Variants in GMIP observed in about 807,000 individuals in gnomAD.
GMIP encodes the protein GEM-interacting protein.
In GMIP, 54 loss-of-function variants were observed where a neutral mutation model predicts 105.3. That is an observed-to-expected ratio of 0.51 (90% CI 0.41 to 0.64). The LOEUF (loss-of-function observed/expected upper bound fraction) is 0.64. Ranked by LOEUF, GMIP falls within the 30% of genes least tolerant of loss-of-function variation. The pLI is 0.00. For synonymous variants in GMIP, 541 were observed against 560.8 expected, an observed-to-expected ratio of 0.96 and a Z score of 0.50; for missense variants, 1,110 against 1,319.4, an observed-to-expected ratio of 0.84 and a Z score of 2.46.
In GMIP at chr19:19,638,159, C is replaced by A; in HGVS notation, c.789G>T (p.Lys263Asn). ...RRRSREEAQA[K>N]AQEAEALYQA... ...CAGGGGCTCGGGGCCGGGTGCCCAC[C>A]TTGGCCTGGGCCTCCTCTCGCGAGC... is the stretch of plus-strand genomic sequence containing the variant. The change falls in exon 9 of 21, where the codon AAG becomes AAT. Residue 263 changes from lysine (K) to asparagine (N), a missense_variant and splice_region_variant. Lys to Asn is a moderately conservative substitution (Grantham distance 94). Around this residue, in one of 3 missense-constraint regions of GMIP, gnomAD observed 667 missense variants for 773.2 expected, o/e 0.86. Coordinates refer to ENST00000203556, the MANE Select transcript of GMIP (RefSeq NM_016573.4). The A allele has an allele frequency of 6.3e-7, 1 of 1,581,686 alleles. No homozygotes were observed. The highest frequency in any genetic ancestry group is 8.5e-7 in the Non-Finnish European group (1 of 1,172,472).
rs1008661593 is a variant in GMIP at position 19,635,885 on chromosome 19, G to A, written c.1328-164C>T. Among the ~76,000 whole-genome samples, 2 of 152,156 alleles carry A rather than the reference G, an allele frequency of 1.3e-5. No homozygotes were observed. The highest frequency in any genetic ancestry group is 6.5e-5 in the Admixed American group (1 of 15,274). On this transcript the variant is annotated intron_variant, in intron 13 of 20. Transcript: ENST00000203556. This position sits in a 1 kb window ranked among gnomAD's most constrained non-coding sequence, Gnocchi z 4.7. ...AGAATTGGGTCAGCAACCTGAGGGGGGTGGTTCATAAGCTGGATCAAGAGG... is the reference window on the plus strand; with the variant it reads ...AGAATTGGGTCAGCAACCTGAGGGGAGTGGTTCATAAGCTGGATCAAGAGG...
chr19:19,637,351 C>T lies in GMIP; in HGVS notation c.1124+14G>A, dbSNP rs985452654. The T allele has an allele frequency of 4.1e-6, 6 of 1,480,844 alleles. No individual in the cohort carries two copies. In the African/African-American group the frequency reaches 7.2e-5, roughly 18 times the overall value. The allele number at this position is 1,480,844 out of a possible 1,614,324, so 91.7% of individuals were successfully genotyped here. On this transcript the variant is annotated intron_variant, in intron 11 of 20. Coordinates refer to ENST00000203556, the MANE Select transcript of GMIP (RefSeq NM_016573.4). This position sits in a 1 kb window ranked among gnomAD's most constrained non-coding sequence, Gnocchi z 6.7. Reference sequence around the variant, plus strand: ...TCCGGGGCTCGTTCCCGACTCCCTGCTCCAGTGACCCACCTGTTCAAGGAG... The same window carrying T: ...TCCGGGGCTCGTTCCCGACTCCCTGTTCCAGTGACCCACCTGTTCAAGGAG...
intron 1 of GMIP, 135 bp downstream of exon 1, chr19:19,643,376 T>G: frequency 2.6e-6 from 2 of 776,878 alleles, no homozygotes; most frequent in Non-Finnish European, 4.1e-6. Context: ...CTCCCCACAA[T>G]GGAGGATCCC....
rs1335379207 is a variant in GMIP, at chr19:19,643,414, T to C, written c.19+97A>G. On this transcript the variant is annotated intron_variant, in intron 1 of 20. Coordinates refer to ENST00000203556, the MANE Select transcript of GMIP (RefSeq NM_016573.4). ...GGTCCTTCCCATTCAGGAACTCCTC[T>C]CCTGGCTCTCAGGACGGAGCGGGAC... 3.5e-5 allele frequency: 41 copies of C among 1,175,012 alleles called. No individual in the cohort carries two copies. The East Asian group carries it at 7.4e-4, about 21-fold the overall frequency. The allele number at this position is 1,175,012 out of a possible 1,614,324, so 72.8% of individuals were successfully genotyped here. A position where few individuals can be genotyped will look rare whatever the true frequency, so the allele number is the denominator to read the frequency against.
chr19:19,637,126 G>T lies in GMIP; in HGVS notation c.1125-97C>A. 1.2e-6 allele frequency: 1 copy of T among 812,236 alleles called. No individual in the cohort carries two copies. Among genetic ancestry groups the T allele is most frequent in the Non-Finnish European group, 2.0e-6 (1 of 500,292 alleles). The allele number at this position is 812,236 out of a possible 1,614,324, so 50.3% of individuals were successfully genotyped here. ...TCTAGGTACCAACTCCAAGCACTTGGGTCTGCAAACCCTGACACCCAGGGC... is the reference window on the plus strand; with the variant it reads ...TCTAGGTACCAACTCCAAGCACTTGTGTCTGCAAACCCTGACACCCAGGGC... On this transcript the variant is annotated intron_variant, in intron 11 of 20. Coordinates refer to ENST00000203556, the MANE Select transcript of GMIP (RefSeq NM_016573.4). This position sits in a 1 kb window ranked among gnomAD's most constrained non-coding sequence, Gnocchi z 6.7.
intron 7 of GMIP, 71 bp downstream of exon 7, chr19:19,640,014 G>T: frequency 1.2e-6 from 1 of 802,738 alleles, no homozygotes; most frequent in Non-Finnish European, 2.0e-6. Flanking sequence ...GCTGGGAAAC[G>T]AGGGGATCAG....
chr19:19,638,320 C>G lies in GMIP; in HGVS notation c.628G>C (p.Val210Leu), dbSNP rs2061879989. Reference protein sequence around the residue: ...MKEQKRMNEAVQALRRAQLQY... With the variant: ...MKEQKRMNEALQALRRAQLQY... ...AGCTGGGCGCGCCGCAGTGCCTGCA[C>G]CGCCTCATTCTGGGGGATGATGAGA... The change falls in exon 9 of 21, where the codon GTG becomes CTG. Residue 210 changes from valine (V) to leucine (L), a missense_variant. Around this residue, in one of 3 missense-constraint regions of GMIP, gnomAD observed 667 missense variants for 773.2 expected, o/e 0.86. Coordinates refer to ENST00000203556, the MANE Select transcript of GMIP (RefSeq NM_016573.4). The G allele has an allele frequency of 6.2e-7, 1 of 1,613,608 alleles. No homozygotes were observed. Among genetic ancestry groups the G allele is most frequent in the African/African-American group, 1.3e-5 (1 of 74,932 alleles).
rs1229750903 is a variant in GMIP at position 19,637,530 on chromosome 19, G to GC, written c.958dup (p.Ala320GlyfsTer21). 8 of 1,532,934 alleles carry GC rather than the reference G, an allele frequency of 5.2e-6. No homozygotes were observed. The highest frequency in any genetic ancestry group is 2.1e-5 in the Admixed American group (1 of 48,366). 95.0% of individuals were successfully genotyped at this position (1,532,934 alleles called of 1,614,324 possible). On this transcript the variant is annotated frameshift_variant, in exon 11 of 21. Transcript: ENST00000203556. LOFTEE classifies it high-confidence loss of function. The surrounding 1 kb of genome is among the most constrained non-coding windows in gnomAD (Gnocchi z 6.7). Reference sequence around the variant, plus strand: ...GGCGCGGGGGCCACGCTCTGCCTGCGCCCCCCGCAGCCCGAAGAGACTCAG... The same window carrying GC: ...GGCGCGGGGGCCACGCTCTGCCTGCGCCCCCCCGCAGCCCGAAGAGACTCAG...
At position 19,637,572 on chromosome 19, in the gene GMIP, G is replaced by A. The variant is rs754993206; in HGVS notation, c.928-11C>T. On this transcript the variant is annotated splice_polypyrimidine_tract_variant and intron_variant, in intron 10 of 20. Transcript: ENST00000203556. This position sits in a 1 kb window ranked among gnomAD's most constrained non-coding sequence, Gnocchi z 6.7. The stretch of plus-strand genomic sequence containing the variant: ...GAGACTCAGCGTCACCTGCCGGGTG[G>A]AGACAGCAGGTTGGGGAGGGGCGGA... 4.0e-6 allele frequency: 6 copies of A among 1,509,988 alleles called. No individual in the cohort carries two copies. The South Asian group carries it at 7.5e-5, about 19-fold the overall frequency. 93.5% of individuals were successfully genotyped at this position (1,509,988 alleles called of 1,614,324 possible). A position where few individuals can be genotyped will look rare whatever the true frequency, so the allele number is the denominator to read the frequency against.
chr19:19,641,289 A>G (rs2061916711), intron 4 of GMIP, among the ~76,000 whole-genome samples: 1 of 150,094 alleles, frequency 6.7e-6, no homozygotes, highest in Non-Finnish European at 1.5e-5. Context: ...TCACCATGTT[A>G]GCCAGGATGG....
At position 19,634,315 on chromosome 19, in the gene GMIP, G is replaced by A. The variant is rs2144844365; in HGVS notation, c.2085-125C>T. On this transcript the variant is annotated intron_variant, in intron 18 of 20. Coordinates refer to ENST00000203556, the MANE Select transcript of GMIP (RefSeq NM_016573.4). This position sits in a 1 kb window ranked among gnomAD's most constrained non-coding sequence, Gnocchi z 6.1. ...CATGTCACAGGTGTAAGTCGTCTGAGACCAGCAGCCACATATCCAGAACTG... is the reference window on the plus strand; with the variant it reads ...CATGTCACAGGTGTAAGTCGTCTGAAACCAGCAGCCACATATCCAGAACTG... 9.1e-7 allele frequency: 1 copy of A among 1,099,664 alleles called. No homozygotes were observed. Among genetic ancestry groups the A allele is most frequent in the Non-Finnish European group, 1.3e-6 (1 of 780,954 alleles). The allele number at this position is 1,099,664 out of a possible 1,614,324, so 68.1% of individuals were successfully genotyped here.
rs1360376843 is a variant in GMIP, at chr19:19,629,814, T to TTAAA, written c.*145_*148dup. 1.3e-6 allele frequency: 1 copy of TTAAA among 746,494 alleles called. No individual in the cohort carries two copies. The highest frequency in any genetic ancestry group is 1.8e-5 in the African/African-American group (1 of 56,826). 46.2% of individuals were successfully genotyped at this position (746,494 alleles called of 1,614,324 possible). Reference sequence around the variant, plus strand: ...TTTTAGGCCTCCCCTAGGTCATGTATTAAATAGTTTTTCCTTATAGGAACC... The same window carrying TTAAA: ...TTTTAGGCCTCCCCTAGGTCATGTATTAAATAAATAGTTTTTCCTTATAGGAACC... On this transcript the variant is annotated 3_prime_UTR_variant, in exon 21 of 21. Coordinates refer to ENST00000203556, the MANE Select transcript of GMIP (RefSeq NM_016573.4).
chr19:19,635,610 TG>T lies in GMIP; in HGVS notation c.1405+33del. 1 of 1,613,626 alleles carries T rather than the reference TG, an allele frequency of 6.2e-7. No homozygotes were observed. Among genetic ancestry groups the T allele is most frequent in the Non-Finnish European group, 8.5e-7 (1 of 1,179,572 alleles). ...GTCAGGAGTGCCTGGTGCCCTGCCC[TG>T]TCCCATCCTGACCTACCCTGCTTCA... On this transcript the variant is annotated intron_variant, in intron 14 of 20. Coordinates refer to ENST00000203556, the MANE Select transcript of GMIP (RefSeq NM_016573.4). The surrounding 1 kb of genome is among the most constrained non-coding windows in gnomAD (Gnocchi z 4.7).
chr19:19,642,745 G>C lies in GMIP; in HGVS notation c.20-126C>G, dbSNP rs1436764274. 7 of 524,362 alleles carry C rather than the reference G, an allele frequency of 1.3e-5. No individual in the cohort carries two copies. In the East Asian group the frequency reaches 1.5e-4, roughly 11 times the overall value. 32.5% of individuals were successfully genotyped at this position (524,362 alleles called of 1,614,324 possible). ...GTGAGAGAGAGAAAGAGAGGGCTGG[G>C]GGGGGCTTGGTTGGGGCCAACTCGA... On this transcript the variant is annotated intron_variant, in intron 1 of 20. Coordinates refer to ENST00000203556, the MANE Select transcript of GMIP (RefSeq NM_016573.4).
At chr19:19,641,063 G>A (rs559616739) in intron 4 of GMIP, among the ~76,000 whole-genome samples, 50 of 151,938 alleles carry the variant, frequency 3.3e-4, no homozygotes, top group Non-Finnish European at 5.6e-4. Context: ...CACCGTGCCC[G>A]GCCTGTGTTT....
Position 19,640,321 on chromosome 19 carries a change from G to A in GMIP, c.404C>T (p.Ala135Val). Residue 135 changes from alanine to valine, a missense_variant, in exon 6 of 21, where the codon GCT becomes GTT. This residue lies in a region of GMIP where 667 missense variants were observed against 773.2 expected (regional missense o/e 0.86). Transcript: ENST00000203556. ...CTGCTGTTGAATGGACACCTTGCCA[G>A]CTTCAGCGATCTTCATGGTGCTCTT... ...FAKSTMKIAE[A>V]GKVSIQQQSH... The A allele has an allele frequency of 6.2e-7, 1 of 1,614,008 alleles. No homozygotes were observed. The highest frequency in any genetic ancestry group is 8.5e-7 in the Non-Finnish European group (1 of 1,179,984).
At chr19:19,639,395 G>T (rs2061894061) in intron 7 of GMIP, among the ~76,000 whole-genome samples, 1 of 151,888 alleles carries the variant, frequency 6.6e-6, no homozygotes, top group South Asian at 2.1e-4. Flanking sequence ...CCTTTTCTGA[G>T]TCAGTATTCT....
rs2061848283 is a variant in GMIP at position 19,635,806 on chromosome 19, CCAAGGGGT to C, written c.1328-93_1328-86del. On this transcript the variant is annotated intron_variant, in intron 13 of 20. Coordinates refer to ENST00000203556, the MANE Select transcript of GMIP (RefSeq NM_016573.4). The surrounding 1 kb of genome is among the most constrained non-coding windows in gnomAD (Gnocchi z 4.7). Reference sequence around the variant, plus strand: ...GGCTTCCAGAACCACCCACTAATTCCCAAGGGGTCAGAGGTCAGGAGGGGGATTGGACA... The same window carrying C: ...GGCTTCCAGAACCACCCACTAATTCCCAGAGGTCAGGAGGGGGATTGGACA... 1.8e-6 allele frequency: 2 copies of C among 1,123,488 alleles called. No individual in the cohort carries two copies. The highest frequency in any genetic ancestry group is 2.7e-6 in the Non-Finnish European group (2 of 740,104). The allele number at this position is 1,123,488 out of a possible 1,614,324, so 69.6% of individuals were successfully genotyped here.
chr19:19,631,637 T>C (rs895972119), intron 19 of GMIP, among the ~76,000 whole-genome samples: 3 of 152,228 alleles, frequency 2.0e-5, no homozygotes, highest in Admixed American at 2.0e-4. Flanking sequence ...CGGGTGCTGC[T>C]ATCTTCCTGG....
Sources: allele counts gnomAD v4.1 joint callset (sites outside exome capture counted in the v4.1 genomes callset), GRCh38; gene constraint gnomAD v4.1.1; regional missense constraint gnomAD v4.1.1; non-coding constraint Gnocchi (gnomAD v3.1); transcripts MANE v1.5; gene names NCBI Gene and HGNC (gene_info 2026-07-23, HGNC 2026-07-21).